PPP6R2: variants seen among roughly 807,000 people sequenced by gnomAD.
PPP6R2 encodes the protein protein phosphatase 6 regulatory subunit 2.
PPP6R2 carries 62 observed loss-of-function variants against 100.2 expected under a neutral mutation model. That is an observed-to-expected ratio of 0.62 (90% CI 0.50 to 0.76). PPP6R2 has a LOEUF of 0.76. PPP6R2 is among the 30% of genes least tolerant of loss of function. The pLI, the probability that PPP6R2 is intolerant of heterozygous loss-of-function variation, is 0.00. For synonymous variants in PPP6R2, 525 were observed against 514.7 expected, an observed-to-expected ratio of 1.02 and a Z score of -0.27; for missense variants, 1,142 against 1,276.3, an observed-to-expected ratio of 0.89 and a Z score of 1.60.
intron 18 of PPP6R2, 58 bp from the exon 19 acceptor site, chr22:50,438,541 C>A: frequency 6.3e-7 from 1 of 1,583,758 alleles, no homozygotes. Flanking sequence ...CGCCACTGAC[C>A]CTCCATGTTA....
intron 1 of PPP6R2, among the ~76,000 whole-genome samples, chr22:50,362,052 G>A (rs889965535): frequency 6.6e-6 from 1 of 152,204 alleles, no homozygotes; most frequent in African/African-American, 2.4e-5. Context: ...TGTGGTCAGG[G>A]ACTGCCCTGA....
At chr22:50,370,588 C>T (rs528961215) in intron 1 of PPP6R2, among the ~76,000 whole-genome samples, 1 of 151,882 alleles carries the variant, frequency 6.6e-6, no homozygotes, top group African/African-American at 2.4e-5. Flanking sequence ...CGCCTGGCCA[C>T]GCTATGTTTT....
chr22:50,431,795 A>G lies in PPP6R2; in HGVS notation c.1335+413A>G, dbSNP rs79664796. Among the ~76,000 whole-genome samples the G allele has an allele frequency of 1.6e-3, 248 of 152,272 alleles. 1 individual carries two copies. The East Asian group carries it at 0.021, about 13-fold the overall frequency. On this transcript the variant is annotated intron_variant, in intron 11 of 23. Coordinates refer to ENST00000612753, the MANE Select transcript of PPP6R2 (RefSeq NM_001242898.2). The surrounding 1 kb of genome is among the most constrained non-coding windows in gnomAD (Gnocchi z 4.8). Reference sequence around the variant, plus strand: ...ACCCGGATAGCAAGGCCACAGGTATATCGTAGTGTGAGGTGGAGCCCAGGA... The same window carrying G: ...ACCCGGATAGCAAGGCCACAGGTATGTCGTAGTGTGAGGTGGAGCCCAGGA...
intron 1 of PPP6R2, among the ~76,000 whole-genome samples, chr22:50,368,078 C>G (rs2049134653): frequency 6.6e-6 from 1 of 152,222 alleles, no homozygotes; most frequent in Non-Finnish European, 1.5e-5. Context: ...CTATGCATTT[C>G]AAAGACGTTA....
Position 50,435,021 on chromosome 22 carries a change from G to A in PPP6R2, c.1456G>A (p.Ala486Thr), listed in dbSNP as rs150134312. 2.7e-5 allele frequency: 43 copies of A among 1,603,836 alleles called. No individual in the cohort carries two copies. Among genetic ancestry groups the A allele is most frequent in the African/African-American group, 6.7e-5 (5 of 74,674 alleles). Residue 486 changes from alanine to threonine, a missense_variant, in exon 13 of 24, where the codon GCG (alanine) becomes ACG (threonine). By Grantham distance (58) the Ala-to-Thr change is moderately conservative. Around this residue, in one of 2 missense-constraint regions of PPP6R2, gnomAD observed 592 missense variants for 758.9 expected, o/e 0.78. Coordinates refer to ENST00000612753, the MANE Select transcript of PPP6R2 (RefSeq NM_001242898.2). ...NMGHLTRIANAVVQNLERGPV... is the reference protein window; with the variant it reads ...NMGHLTRIANTVVQNLERGPV... The stretch of plus-strand genomic sequence containing the variant: ...GGGCCACCTCACACGGATCGCCAAC[G>A]CGGTGGTGCAGAACCTGGAGCGGGG...
chr22:50,382,836 A>AT (rs532410577), intron 2 of PPP6R2, among the ~76,000 whole-genome samples: 325 of 141,272 alleles, frequency 2.3e-3, no homozygotes, highest in African/African-American at 4.2e-3. Context: ...TTACAAGCAA[A>AT]TTTTTTTTTT....
At chr22:50,395,226 GT>G (rs1349244683) in intron 3 of PPP6R2, among the ~76,000 whole-genome samples, 1 of 152,180 alleles carries the variant, frequency 6.6e-6, no homozygotes, top group Non-Finnish European at 1.5e-5. Context: ...GGTACCGTCC[GT>G]TCTCAGAGTT....
intron 1 of PPP6R2, among the ~76,000 whole-genome samples, chr22:50,359,493 A>C (rs2148304474): frequency 1.3e-5 from 2 of 152,010 alleles, no homozygotes; most frequent in Middle Eastern, 3.4e-3. Context: ...CTGGGATTAC[A>C]GGCATGAGCC....
chr22:50,427,439 G>A (rs1020723547), intron 10 of PPP6R2, among the ~76,000 whole-genome samples: 1 of 152,172 alleles, frequency 6.6e-6, no homozygotes, highest in Non-Finnish European at 1.5e-5. Context: ...CAAAATTGCT[G>A]TTCAGATTTT....
intron 14 of PPP6R2, 26 bp downstream of exon 14, chr22:50,436,478 C>T (rs1016924167): frequency 7.0e-6 from 11 of 1,562,418 alleles, no homozygotes; most frequent in African/African-American, 4.0e-5. Flanking sequence ...GCTGCCCCCT[C>T]GGTGCACGCA....
chr22:50,330,933 G>C, the PPP6R2 span, among the ~76,000 whole-genome samples: 1 of 152,098 alleles, frequency 6.6e-6, no homozygotes, highest in Non-Finnish European at 1.5e-5. Flanking sequence ...CCCAGAGGAA[G>C]CCAACATCTG....
At chr22:50,427,806 C>T (rs1263615149) in intron 10 of PPP6R2, among the ~76,000 whole-genome samples, 3 of 152,168 alleles carry the variant, frequency 2.0e-5, no homozygotes, top group East Asian at 1.9e-4. Context: ...CTGCAGGCTC[C>T]GCCCCCCAGG....
At chr22:50,415,963 G>A (rs2060471153) in intron 5 of PPP6R2, 129 bp from the exon 6 acceptor site, 2 of 801,698 alleles carry the variant, frequency 2.5e-6, no homozygotes, top group Admixed American at 2.0e-5. Context: ...TTCTTTCTGG[G>A]TCTGGGGTGT....
intron 10 of PPP6R2, among the ~76,000 whole-genome samples, chr22:50,424,341 TGTCCGCGTGTGGAAGGTCC>T (rs1229532217): frequency 0.018 from 2,545 of 142,322 alleles, 60 homozygotes; most frequent in East Asian, 0.068. Context: ...GTGGAAGGTC[TGTCCGCGTGTGGAAGGTCC>T]GTCCGCGTGT....
rs531307427 is a variant in PPP6R2, at chr22:50,444,665, A to G, written c.*418A>G. On this transcript the variant is annotated 3_prime_UTR_variant, in exon 24 of 24. Transcript: ENST00000612753. ...GTTTTTAAAGAATACAGAAGGAGCC[A>G]AGCTTTTTTGCACTTTGTATCCAGC... 3.1e-4 allele frequency: 64 copies of G among 209,038 alleles called. No homozygotes were observed. The highest frequency in any genetic ancestry group is 5.6e-4 in the Non-Finnish European group (59 of 105,504). The allele number at this position is 209,038 out of a possible 1,614,324, so 12.9% of individuals were successfully genotyped here.
intron 12 of PPP6R2, among the ~76,000 whole-genome samples, chr22:50,434,492 C>T (rs2063763621): frequency 1.3e-5 from 1 of 76,266 alleles, no homozygotes; most frequent in Admixed American, 1.3e-4. Context: ...GGGCAGGGGC[C>T]GGGCATTTGC....
At position 50,394,244 on chromosome 22, in the gene PPP6R2, C is replaced by T. The variant is rs961971020; in HGVS notation, c.227+109C>T. 6.3e-5 allele frequency: 93 copies of T among 1,484,232 alleles called. No individual in the cohort carries two copies. The African/African-American group carries it at 9.0e-4, about 14-fold the overall frequency. The allele number at this position is 1,484,232 out of a possible 1,614,324, so 91.9% of individuals were successfully genotyped here. A position where few individuals can be genotyped will look rare whatever the true frequency, so the allele number is the denominator to read the frequency against. On this transcript the variant is annotated intron_variant, in intron 3 of 23. Transcript: ENST00000612753. The stretch of plus-strand genomic sequence containing the variant: ...GGGGATTTCTGATGAAGAAGCGAGC[C>T]GTAAAAATCCACCCCATGTGAGAAG...
chr22:50,397,380 A>C (rs139508964), intron 3 of PPP6R2, among the ~76,000 whole-genome samples: 128 of 152,212 alleles, frequency 8.4e-4, no homozygotes, highest in Non-Finnish European at 1.9e-4. Context: ...GTGGTGGGAA[A>C]GCTTTGCCTT....
In PPP6R2 at chr22:50,431,608, C is replaced by T. The variant is rs1466077100; in HGVS notation, c.1335+226C>T. On this transcript the variant is annotated intron_variant, in intron 11 of 23. Transcript: ENST00000612753. This position sits in a 1 kb window ranked among gnomAD's most constrained non-coding sequence, Gnocchi z 4.8. ...TCAGCAGGGGTACTGGTGCCTTCCA[C>T]GTGCAGGCCTGGCAAGGGTTAGCAC... Among the ~76,000 whole-genome samples, 4 of 152,160 alleles carry T rather than the reference C, an allele frequency of 2.6e-5. No homozygotes were observed. Among genetic ancestry groups the T allele is most frequent in the African/African-American group, 7.2e-5 (3 of 41,428 alleles).
Sources: allele counts gnomAD v4.1 joint callset (sites outside exome capture counted in the v4.1 genomes callset), GRCh38; gene constraint gnomAD v4.1.1; regional missense constraint gnomAD v4.1.1; non-coding constraint Gnocchi (gnomAD v3.1); transcripts MANE v1.5; gene names NCBI Gene and HGNC (gene_info 2026-07-23, HGNC 2026-07-21).